CHST9: variants seen among roughly 807,000 people sequenced by gnomAD.
CHST9 encodes GalNAc-4-sulfotransferase 2.
In CHST9, 41 loss-of-function variants were observed where a neutral mutation model predicts 44.4. The observed-to-expected ratio is 0.92, with a 90% CI of 0.72 to 1.20. CHST9 has a LOEUF of 1.20. Ranked by LOEUF, CHST9 falls within the 50% of genes most tolerant of loss-of-function variation. The pLI is 0.00. For missense variants in CHST9, 504 were observed against 516.5 expected (o/e 0.98, Z 0.23); for synonymous variants, 171 against 178.4 (o/e 0.96, Z 0.33).
At chr18:27,149,413 C>T (rs987859244) in intron 1 of CHST9, among the ~76,000 whole-genome samples, 3 of 151,986 alleles carry the variant, frequency 2.0e-5, no homozygotes, top group Non-Finnish European at 2.9e-5. Flanking sequence ...ACGGTATAGA[C>T]GTACCACATT....
At chr18:27,092,215 T>C (rs1302613527) in intron 2 of CHST9, among the ~76,000 whole-genome samples, 9 of 152,244 alleles carry the variant, frequency 5.9e-5, no homozygotes, top group Non-Finnish European at 1.2e-4. Flanking sequence ...TCCTAGATTT[T>C]CTAGTTTATT....
At chr18:27,178,389 C>T (rs570130403) in intron 1 of CHST9, among the ~76,000 whole-genome samples, 27 of 152,030 alleles carry the variant, frequency 1.8e-4, no homozygotes, top group African/African-American at 6.0e-4. Flanking sequence ...AAATATGTAA[C>T]GTGGACCCTG....
intron 4 of CHST9, among the ~76,000 whole-genome samples, chr18:26,986,256 C>CA (rs2056754043): frequency 6.6e-6 from 1 of 151,772 alleles, no homozygotes; most frequent in South Asian, 2.1e-4. Flanking sequence ...ATGGAAAATA[C>CA]AAAAAAGACC....
chr18:27,084,458 G>GT (rs34987256), intron 2 of CHST9, among the ~76,000 whole-genome samples: 108,899 of 143,450 alleles, frequency 0.76, 41,393 homozygotes, highest in East Asian at 0.9. Flanking sequence ...CACTCGCTGG[G>GT]TTTTTTTTTT....
At chr18:27,141,552 T>C (rs1160336997) in intron 2 of CHST9, among the ~76,000 whole-genome samples, 1 of 126,866 alleles carries the variant, frequency 7.9e-6, no homozygotes, top group Non-Finnish European at 1.5e-5. Context: ...GATCATGCTA[T>C]CGCTCTCCAG....
At chr18:27,097,177 T>A (rs2058125508) in intron 2 of CHST9, among the ~76,000 whole-genome samples, 1 of 152,042 alleles carries the variant, frequency 6.6e-6, no homozygotes, top group Non-Finnish European at 1.5e-5. Flanking sequence ...AAAAACCATA[T>A]GATCATCTCA....
intron 2 of CHST9, among the ~76,000 whole-genome samples, chr18:27,122,410 C>T (rs1274673478): frequency 1.3e-5 from 2 of 152,038 alleles, no homozygotes; most frequent in Non-Finnish European, 2.9e-5. Flanking sequence ...ACATTGAATA[C>T]AAATCGGAAT....
chr18:26,965,199 C>T (rs543871288), intron 4 of CHST9, among the ~76,000 whole-genome samples: 3 of 152,268 alleles, frequency 2.0e-5, no homozygotes, highest in African/African-American at 2.4e-5. Flanking sequence ...ATGTGAGTGT[C>T]CCCTGGCTGG....
chr18:27,006,452 C>T (rs992888279), intron 4 of CHST9, among the ~76,000 whole-genome samples: 1 of 152,108 alleles, frequency 6.6e-6, no homozygotes, highest in African/African-American at 2.4e-5. Flanking sequence ...TAATAGTTTT[C>T]CCTGCCATAT....
chr18:27,000,158 A>G (rs2056932077), intron 4 of CHST9, among the ~76,000 whole-genome samples: 1 of 152,202 alleles, frequency 6.6e-6, no homozygotes, highest in African/African-American at 2.4e-5. Context: ...GTAGGATCAC[A>G]TTACAGATAT....
chr18:26,973,602 A>C (rs762018270), intron 4 of CHST9, among the ~76,000 whole-genome samples: 13 of 152,228 alleles, frequency 8.5e-5, no homozygotes, highest in Non-Finnish European at 1.3e-4. Context: ...AATTTTTAAA[A>C]GCGTATCTGC....
chr18:27,127,111 T>C (rs1344810409), intron 2 of CHST9, among the ~76,000 whole-genome samples: 3 of 152,130 alleles, frequency 2.0e-5, no homozygotes, highest in Non-Finnish European at 4.4e-5. Flanking sequence ...TTAAGGGGTC[T>C]GGAGACATTC....
At chr18:26,988,886 T>A (rs1252317160) in intron 4 of CHST9, among the ~76,000 whole-genome samples, 1 of 151,886 alleles carries the variant, frequency 6.6e-6, no homozygotes, top group Admixed American at 6.6e-5. Context: ...AATGTGAAAA[T>A]CTCTAGAAAA....
intron 2 of CHST9, among the ~76,000 whole-genome samples, chr18:27,127,367 G>C (rs1484671393): frequency 6.6e-6 from 1 of 152,236 alleles, no homozygotes; most frequent in Admixed American, 6.5e-5. Flanking sequence ...TCAAGGGAAA[G>C]TGGCATGAAG....
intron 4 of CHST9, among the ~76,000 whole-genome samples, chr18:26,951,303 A>G (rs1346492103): frequency 6.6e-6 from 1 of 152,190 alleles, no homozygotes; most frequent in Non-Finnish European, 1.5e-5. Context: ...AATTCTTCTC[A>G]TTGTAAGTTG....
intron 4 of CHST9, among the ~76,000 whole-genome samples, chr18:26,949,978 C>T (rs1489504846): frequency 6.6e-6 from 1 of 152,172 alleles, no homozygotes; most frequent in African/African-American, 2.4e-5. Flanking sequence ...AGGAACGCAG[C>T]CTTGCTGATA....
At chr18:26,969,603 T>C (rs2056515478) in intron 4 of CHST9, among the ~76,000 whole-genome samples, 1 of 152,210 alleles carries the variant, frequency 6.6e-6, no homozygotes, top group Non-Finnish European at 1.5e-5. Context: ...GTTCCTGTTC[T>C]TGCTGAGCTT....
At chr18:26,986,142 C>A (rs1320738111) in intron 4 of CHST9, among the ~76,000 whole-genome samples, 1 of 151,970 alleles carries the variant, frequency 6.6e-6, no homozygotes, top group Non-Finnish European at 1.5e-5. Context: ...ATAAATAAAT[C>A]AATTTAACTT....
At chr18:26,959,981 G>A (rs1009089192) in intron 4 of CHST9, among the ~76,000 whole-genome samples, 3 of 152,138 alleles carry the variant, frequency 2.0e-5, no homozygotes, top group African/African-American at 4.8e-5. Context: ...GAATAAAAGA[G>A]GAGCAAGATT....
Sources: gnomAD v4.1 joint callset for allele counts (sites outside exome capture counted in the v4.1 genomes callset) on GRCh38, gnomAD v4.1.1 for gene constraint, MANE v1.5 for transcripts, NCBI Gene and HGNC (gene_info 2026-07-23, HGNC 2026-07-21) for gene names.